Variants in TTC28 observed in about 807,000 individuals in gnomAD.
The protein encoded by TTC28 is tetratricopeptide repeat protein 28.
TTC28 carries 61 observed loss-of-function variants against 198.0 expected under a neutral mutation model. The observed-to-expected ratio is 0.31, with a 90% CI of 0.25 to 0.38. TTC28 has a LOEUF of 0.38. Among genes scored for constraint, TTC28 ranks in the 10% least tolerant of loss-of-function variants. The pLI is 1.00. For synonymous variants in TTC28, 1,171 were observed against 1,297.8 expected (o/e 0.90, Z 2.10); for missense variants, 2,678 against 3,164.0 (o/e 0.85, Z 3.69).
intron 2 of TTC28, among the ~76,000 whole-genome samples, chr22:28,563,983 T>C (rs2049931092): frequency 6.6e-6 from 1 of 152,200 alleles, no homozygotes; most frequent in Non-Finnish European, 1.5e-5. Context: ...TGTAGTACAC[T>C]ATAATGTACA....
intron 2 of TTC28, among the ~76,000 whole-genome samples, chr22:28,381,072 CAG>C (rs1459715053): frequency 6.7e-6 from 1 of 149,734 alleles, no homozygotes; most frequent in African/African-American, 2.5e-5. Flanking sequence ...GAGAAAATGT[CAG>C]TAGGGAGGCT....
chr22:28,096,586 G>A (rs1941981388), intron 10 of TTC28, among the ~76,000 whole-genome samples, 178 bp from the exon 11 acceptor site: 1 of 152,136 alleles, frequency 6.6e-6, no homozygotes, highest in Non-Finnish European at 1.5e-5. Flanking sequence ...GGTGGGTGCA[G>A]TGTCCTGCAT....
chr22:28,275,770 A>G (rs560114158), intron 5 of TTC28, among the ~76,000 whole-genome samples: 12 of 151,948 alleles, frequency 7.9e-5, no homozygotes, highest in African/African-American at 2.9e-4. Context: ...AAAAAGAGGA[A>G]GTGTTTTTCT....
chr22:28,068,407 C>T (rs1011286306), intron 12 of TTC28, among the ~76,000 whole-genome samples: 4 of 152,162 alleles, frequency 2.6e-5, no homozygotes, highest in South Asian at 2.1e-4. Context: ...TGTGCAAAAA[C>T]GCCTGGTAGG....
intron 5 of TTC28, among the ~76,000 whole-genome samples, chr22:28,175,291 C>A (rs1205428475): frequency 6.6e-6 from 1 of 152,124 alleles, no homozygotes; most frequent in African/African-American, 2.4e-5. Flanking sequence ...AAACTTTTCA[C>A]AGCAAAGGAA....
intron 2 of TTC28, among the ~76,000 whole-genome samples, chr22:28,535,938 C>T (rs1395176440): frequency 1.3e-5 from 2 of 152,070 alleles, no homozygotes; most frequent in African/African-American, 4.8e-5. Flanking sequence ...AGGCCAGGCA[C>T]GGTGGCTCAC....
chr22:28,166,607 A>G (rs1365020806), intron 5 of TTC28, among the ~76,000 whole-genome samples: 1 of 152,214 alleles, frequency 6.6e-6, no homozygotes, highest in Non-Finnish European at 1.5e-5. Flanking sequence ...AGAAATAAAG[A>G]TGTTTTTTGA....
At chr22:28,547,373 C>CTA (rs1245083821) in intron 2 of TTC28, among the ~76,000 whole-genome samples, 1 of 152,192 alleles carries the variant, frequency 6.6e-6, no homozygotes, top group Admixed American at 6.5e-5. Flanking sequence ...AATCATCCTC[C>CTA]TATACTTCAG....
intron 2 of TTC28, among the ~76,000 whole-genome samples, chr22:28,378,160 T>A (rs1312612849): frequency 6.6e-6 from 1 of 151,908 alleles, no homozygotes; most frequent in African/African-American, 2.4e-5. Context: ...CTAGCCAACA[T>A]GGCAAAACTC....
intron 5 of TTC28, among the ~76,000 whole-genome samples, chr22:28,173,545 TA>T (rs1160853657): frequency 6.6e-6 from 1 of 152,240 alleles, no homozygotes; most frequent in East Asian, 1.9e-4. Context: ...CTACAAGATA[TA>T]AATTACTCAT....
At chr22:28,145,214 C>T (rs1220839885) in intron 6 of TTC28, among the ~76,000 whole-genome samples, 1 of 152,196 alleles carries the variant, frequency 6.6e-6, no homozygotes, top group African/African-American at 2.4e-5. Context: ...CACATTCACA[C>T]TTTCATTTGA....
intron 5 of TTC28, among the ~76,000 whole-genome samples, chr22:28,238,663 T>C (rs16986186): frequency 0.026 from 3,903 of 152,272 alleles, 195 homozygotes; most frequent in African/African-American, 0.09. Flanking sequence ...AGGGTCTCTA[T>C]TAAATGTCCT....
chr22:28,432,272 C>G (rs985228853), intron 2 of TTC28, among the ~76,000 whole-genome samples: 1 of 149,808 alleles, frequency 6.7e-6, no homozygotes, highest in Non-Finnish European at 1.5e-5. Flanking sequence ...GGTGACAGAG[C>G]GAGACTCTGT....
intron 1 of TTC28, among the ~76,000 whole-genome samples, chr22:28,636,172 C>G (rs2051268373): frequency 8.3e-6 from 1 of 120,032 alleles, no homozygotes; most frequent in African/African-American, 3.2e-5. Context: ...GTTGCCCAGG[C>G]TGGAGGGCAG....
intron 6 of TTC28, among the ~76,000 whole-genome samples, chr22:28,153,893 C>A (rs565908899): frequency 6.6e-6 from 1 of 152,268 alleles, no homozygotes; most frequent in South Asian, 2.1e-4. Flanking sequence ...TTCTACCTCT[C>A]GTATTTGACC....
chr22:28,628,613 T>TA (rs2051115784), intron 2 of TTC28, among the ~76,000 whole-genome samples: 1 of 152,170 alleles, frequency 6.6e-6, no homozygotes, highest in Non-Finnish European at 1.5e-5. Context: ...GCCCCTCTCC[T>TA]ATCCCCCACC....
chr22:28,293,645 T>TA (rs2044832486), intron 5 of TTC28, among the ~76,000 whole-genome samples: 1 of 152,008 alleles, frequency 6.6e-6, no homozygotes, highest in Non-Finnish European at 1.5e-5. Context: ...AACAGAAAGT[T>TA]AAAAAGAATT....
chr22:28,105,664 T>G lies in TTC28; in HGVS notation c.2922A>C (p.Glu974Asp). The G allele has an allele frequency of 6.4e-7, 1 of 1,551,956 alleles. No homozygotes were observed. The highest frequency in any genetic ancestry group is 8.7e-7 in the Non-Finnish European group (1 of 1,147,054). ...GGCGTTCAAGGCAGGAAATGGCTTG[T>G]TCGTAATTCCCTAATTGGCTGTGCA... is the stretch of plus-strand genomic sequence containing the variant. ...GSLHSQLGNYEQAISCLERQL... is the reference protein window; with the variant it reads ...GSLHSQLGNYDQAISCLERQL... The change falls in exon 8 of 23, where the codon GAA becomes GAC. Residue 974 changes from glutamate (E) to aspartate (D), a missense_variant. Transcript: ENST00000397906.
chr22:28,221,045 T>C (rs559360077), intron 5 of TTC28, among the ~76,000 whole-genome samples: 3 of 152,290 alleles, frequency 2.0e-5, no homozygotes, highest in African/African-American at 7.2e-5. Flanking sequence ...TATACAACTT[T>C]AAGAATTAAC....
Sources: gnomAD v4.1 joint callset for allele counts (sites outside exome capture counted in the v4.1 genomes callset) on GRCh38, gnomAD v4.1.1 for gene constraint, MANE v1.5 for transcripts, NCBI Gene and HGNC (gene_info 2026-07-23, HGNC 2026-07-21) for gene names.